The following AGPAT5 variants were observed in gnomAD, a reference collection of about 807,000 sequenced individuals.
AGPAT5 encodes the protein 1-acyl-sn-glycerol-3-phosphate acyltransferase epsilon.
Under a neutral mutation model 45.6 loss-of-function variants are expected in AGPAT5, and 46 were observed. That is an observed-to-expected ratio of 1.01 (90% CI 0.80 to 1.29). The LOEUF is 1.29. Ranked by LOEUF, AGPAT5 falls within the 50% of genes most tolerant of loss-of-function variation. AGPAT5 has a pLI of 0.00. For synonymous variants in AGPAT5, 272 were observed against 167.0 expected (o/e 1.63, Z -4.85); for missense variants, 673 against 450.7 (o/e 1.49, Z -4.47).
chr8:6,729,187 G>T (rs867886022), intron 2 of AGPAT5, among the ~76,000 whole-genome samples: 1 of 152,092 alleles, frequency 6.6e-6, no homozygotes, highest in Non-Finnish European at 1.5e-5. Flanking sequence ...TATTAAAATG[G>T]CTAAATCTTT....
At chr8:6,726,290 G>T (rs1800683717) in intron 2 of AGPAT5, among the ~76,000 whole-genome samples, 1 of 152,204 alleles carries the variant, frequency 6.6e-6, no homozygotes, top group Admixed American at 6.5e-5. Flanking sequence ...GGATCTGTGG[G>T]CCCAGTACAG....
chr8:6,752,790 A>T (rs1794709219), intron 6 of AGPAT5, among the ~76,000 whole-genome samples: 1 of 152,230 alleles, frequency 6.6e-6, no homozygotes, highest in South Asian at 2.1e-4. Context: ...TAGTTTTTGC[A>T]AATGTGGATA....
intron 6 of AGPAT5, among the ~76,000 whole-genome samples, chr8:6,753,247 C>T (rs1801716711): frequency 6.6e-6 from 1 of 152,194 alleles, no homozygotes; most frequent in Non-Finnish European, 1.5e-5. Context: ...GAGCACTGTA[C>T]TCCACGAAGC....
intron 4 of AGPAT5, among the ~76,000 whole-genome samples, chr8:6,736,752 G>A (rs145830357): frequency 6.6e-6 from 1 of 152,266 alleles, no homozygotes; most frequent in Non-Finnish European, 1.5e-5. Context: ...CATTCAGGCA[G>A]TGCAGCCAGG....
intron 5 of AGPAT5, among the ~76,000 whole-genome samples, chr8:6,743,090 C>G (rs1587049229): frequency 6.6e-6 from 1 of 152,208 alleles, no homozygotes; most frequent in Admixed American, 6.5e-5. Flanking sequence ...AATTCTCTCC[C>G]TAGACTTCTG....
At chr8:6,740,197 A>G (rs916133160) in intron 4 of AGPAT5, among the ~76,000 whole-genome samples, 3 of 152,086 alleles carry the variant, frequency 2.0e-5, no homozygotes, top group African/African-American at 7.2e-5. Flanking sequence ...TAACCTGAGA[A>G]ATAATCGTTT....
intron 1 of AGPAT5, among the ~76,000 whole-genome samples, chr8:6,724,644 T>G (rs1800622677): frequency 8.2e-6 from 1 of 122,552 alleles, no homozygotes. Context: ...CATGAGGATA[T>G]TGATTATTCT....
Position 6,758,033 on chromosome 8 carries a change from C to A in AGPAT5, c.*645C>A, listed in dbSNP as rs770893169. 6.6e-6 allele frequency: 1 copy of A among 152,156 alleles called. No homozygotes were observed. Among genetic ancestry groups the A allele is most frequent in the African/African-American group, 2.4e-5 (1 of 41,420 alleles). 9.4% of individuals were successfully genotyped at this position (152,156 alleles called of 1,614,324 possible). ...ATTGAAATTGCTTAATTTGCACACCCTGTACACACAGAAAATGGTATAAAA... is the reference window on the plus strand; with the variant it reads ...ATTGAAATTGCTTAATTTGCACACCATGTACACACAGAAAATGGTATAAAA... On this transcript the variant is annotated 3_prime_UTR_variant, in exon 8 of 8. Transcript: ENST00000285518.
chr8:6,753,518 C>T (rs1245219720), intron 6 of AGPAT5, among the ~76,000 whole-genome samples: 5 of 152,152 alleles, frequency 3.3e-5, no homozygotes, highest in East Asian at 1.9e-4. Flanking sequence ...ATAGTGCATA[C>T]TGTGTGCCAA....
chr8:6,732,022 T>C (rs1273187205), intron 3 of AGPAT5, among the ~76,000 whole-genome samples: 1 of 152,198 alleles, frequency 6.6e-6, no homozygotes, highest in Admixed American at 6.5e-5. Context: ...TTTTTAACCT[T>C]AATTACCACC....
At chr8:6,749,147 T>C (rs751679391) in intron 6 of AGPAT5, among the ~76,000 whole-genome samples, 6 of 152,166 alleles carry the variant, frequency 3.9e-5, no homozygotes, top group Non-Finnish European at 8.8e-5. Flanking sequence ...TCAGTGAGAT[T>C]ATAGTTGTCA....
chr8:6,747,912 G>T, intron 6 of AGPAT5, 84 bp downstream of exon 6: 1 of 1,404,546 alleles, frequency 7.1e-7, no homozygotes. Flanking sequence ...TACAAAGTAG[G>T]TTAAGTGTAC....
chr8:6,749,510 T>G (rs1478302254), intron 6 of AGPAT5, among the ~76,000 whole-genome samples: 3 of 152,228 alleles, frequency 2.0e-5, no homozygotes, highest in Non-Finnish European at 4.4e-5. Flanking sequence ...TTCCTTGCTT[T>G]CCACCCTGCT....
chr8:6,713,559 T>C (rs538740728), intron 1 of AGPAT5, among the ~76,000 whole-genome samples: 3 of 152,284 alleles, frequency 2.0e-5, no homozygotes, highest in African/African-American at 7.2e-5. Flanking sequence ...CAAGGATTCA[T>C]ACTTTTTTTT....
intron 7 of AGPAT5, 152 bp downstream of exon 7, chr8:6,755,326 A>G: frequency 1.1e-6 from 1 of 897,360 alleles, no homozygotes; most frequent in Middle Eastern, 2.8e-4. Flanking sequence ...ATCGTGTTTT[A>G]AACTTTACTT....
intron 4 of AGPAT5, among the ~76,000 whole-genome samples, chr8:6,736,992 C>G (rs114101849): frequency 0.011 from 1,674 of 152,314 alleles, 28 homozygotes; most frequent in African/African-American, 0.039. Context: ...ATCTTGCCAA[C>G]TCTTGGGTAC....
intron 2 of AGPAT5, among the ~76,000 whole-genome samples, chr8:6,728,968 A>T (rs1282451040): frequency 6.6e-6 from 1 of 152,212 alleles, no homozygotes; most frequent in Non-Finnish European, 1.5e-5. Context: ...CCAATAACAC[A>T]GGTTGTGTCT....
intron 1 of AGPAT5, among the ~76,000 whole-genome samples, chr8:6,718,305 A>G (rs1800397660): frequency 6.6e-6 from 1 of 152,204 alleles, no homozygotes; most frequent in Admixed American, 6.5e-5. Flanking sequence ...TAGAGCAGAC[A>G]TGCCGCTCCC....
At position 6,755,175 on chromosome 8, in the gene AGPAT5, G is replaced by C; in HGVS notation, c.869+1G>C. ...ATGAACGTTTCGAAATCAAAGATAA[G>C]TGAGTAACAACAGTTCCAGCACTTC... On this transcript the variant is annotated splice_donor_variant, in intron 7 of 7. Transcript: ENST00000285518. LOFTEE classifies it high-confidence loss of function. The C allele has an allele frequency of 6.3e-7, 1 of 1,596,894 alleles. No individual in the cohort carries two copies.
Sources: allele counts gnomAD v4.1 joint callset (sites outside exome capture counted in the v4.1 genomes callset), GRCh38; gene constraint gnomAD v4.1.1; transcripts MANE v1.5; gene names NCBI Gene and HGNC (gene_info 2026-07-23, HGNC 2026-07-21).